The following STIM1 variants were observed in gnomAD, a reference collection of about 807,000 sequenced individuals.
The protein encoded by STIM1 is stromal interaction molecule 1.
A neutral mutation model predicts 74.7 loss-of-function variants in STIM1; 25 were observed. That is an observed-to-expected ratio of 0.33 (90% CI 0.24 to 0.47). The LOEUF (loss-of-function observed/expected upper bound fraction) is 0.47, where lower values mean the gene tolerates loss of function less well. Among genes scored for constraint, STIM1 ranks in the 20% least tolerant of loss-of-function variants. The pLI is 1.00. For synonymous variants in STIM1, 328 were observed against 348.8 expected (o/e 0.94, Z 0.66); for missense variants, 728 against 920.8 (o/e 0.79, Z 2.71).
chr11:3,935,779 G>A (rs2092924585), intron 1 of STIM1, among the ~76,000 whole-genome samples: 1 of 152,162 alleles, frequency 6.6e-6, no homozygotes. Context: ...ACCACACCTG[G>A]GCTAACTGAG....
intron 1 of STIM1, among the ~76,000 whole-genome samples, chr11:3,863,258 GTGTGTGTGTA>G (rs1420227872): frequency 8.1e-4 from 53 of 65,804 alleles, no homozygotes; most frequent in African/African-American, 3.7e-3. Flanking sequence ...GTGTGTGTGT[GTGTGTGTGTA>G]TGTATTTGAG....
intron 1 of STIM1, chr11:3,947,608 GA>G (rs2093094453): frequency 6.6e-6 from 1 of 152,188 alleles, no homozygotes; most frequent in Non-Finnish European, 1.5e-5. Flanking sequence ...GACAAAATAA[GA>G]GGAAGAAAGG....
At chr11:3,990,799 T>C (rs1183299944) in intron 2 of STIM1, among the ~76,000 whole-genome samples, 2 of 152,226 alleles carry the variant, frequency 1.3e-5, no homozygotes, top group Admixed American at 6.5e-5. Context: ...TTATTTTTTA[T>C]TATTTAAAAA....
intron 1 of STIM1, among the ~76,000 whole-genome samples, chr11:3,904,665 A>C (rs1354766413): frequency 6.6e-6 from 1 of 152,152 alleles, no homozygotes; most frequent in Non-Finnish European, 1.5e-5. Context: ...GGCTGGAACA[A>C]GGGTAGTGGT....
intron 2 of STIM1, among the ~76,000 whole-genome samples, chr11:4,009,159 G>A (rs2093810973): frequency 6.6e-6 from 1 of 151,882 alleles, no homozygotes; most frequent in African/African-American, 2.4e-5. Context: ...GCCGGGTGTG[G>A]TGGCAGGCCC....
chr11:4,056,832 C>G (rs2094293611), intron 4 of STIM1, among the ~76,000 whole-genome samples: 1 of 152,218 alleles, frequency 6.6e-6, no homozygotes, highest in South Asian at 2.1e-4. Context: ...AGTATCCCAA[C>G]CTTTGGGTGA....
intron 1 of STIM1, among the ~76,000 whole-genome samples, chr11:3,930,189 A>G (rs552660063): frequency 3.9e-5 from 6 of 152,126 alleles, no homozygotes; most frequent in Non-Finnish European, 8.8e-5. Flanking sequence ...GACCTTCACT[A>G]TATGTAAGGC....
chr11:3,900,609 A>G (rs376781313), intron 1 of STIM1, among the ~76,000 whole-genome samples: 43 of 152,290 alleles, frequency 2.8e-4, no homozygotes, highest in African/African-American at 1.0e-3. Context: ...TTTGAGACAG[A>G]GTCTTTCCCT....
At chr11:4,037,330 C>G (rs974799169) in intron 3 of STIM1, among the ~76,000 whole-genome samples, 1 of 152,126 alleles carries the variant, frequency 6.6e-6, no homozygotes, top group African/African-American at 2.4e-5. Context: ...GAATTACAGG[C>G]GTGAGCCACT....
At chr11:3,932,032 G>C (rs1437386356) in intron 1 of STIM1, among the ~76,000 whole-genome samples, 1 of 152,128 alleles carries the variant, frequency 6.6e-6, no homozygotes, top group Non-Finnish European at 1.5e-5. Context: ...TGCCCGGCCT[G>C]TTGCTCCTGG....
Position 3,856,242 on chromosome 11 carries a change from C to T in STIM1, c.-29C>T, listed in dbSNP as rs375530599. ...CTCTGGGATCCCGAGGTGTCCACAT[C>T]AGACGCATGTTGACTGAGACCTAGA... On this transcript the variant is annotated 5_prime_UTR_variant, in exon 1 of 13. Coordinates refer to ENST00000526596, the MANE Select transcript of STIM1 (RefSeq NM_001382567.1). 9.3e-6 allele frequency: 15 copies of T among 1,613,696 alleles called. No homozygotes were observed. The highest frequency in any genetic ancestry group is 1.3e-5 in the African/African-American group (1 of 74,946).
chr11:4,091,327 C>T lies in STIM1; in HGVS notation c.1680C>T (p.Asp560=), dbSNP rs2094523466. ...CGGAGTCCTCCCTCCACATGAGTGA[C>T]CGCCAGCGTGTGGCCCCCAAACCTC... ...SDSESSLHMS[D]RQRVAPKPPQ... is the part of the protein sequence containing the mutation. The change falls in exon 13 of 13, where the codon GAC becomes GAT. Residue 560 remains aspartate (D), a synonymous_variant. Transcript: ENST00000526596. 2 of 1,614,228 alleles carry T rather than the reference C, an allele frequency of 1.2e-6. No homozygotes were observed. Among genetic ancestry groups the T allele is most frequent in the Non-Finnish European group, 1.7e-6 (2 of 1,180,046 alleles).
intron 1 of STIM1, among the ~76,000 whole-genome samples, chr11:3,904,536 G>A (rs1201068490): frequency 6.6e-6 from 1 of 152,102 alleles, no homozygotes; most frequent in Non-Finnish European, 1.5e-5. Context: ...TTTAAGATGG[G>A]TGTGACATGA....
Position 4,083,125 on chromosome 11 carries a change from T to C in STIM1, c.1239-138T>C, listed in dbSNP as rs894455. The C allele has an allele frequency of 0.9, 1,048,479 of 1,170,850 alleles. 474,183 individuals are homozygous for C. The highest frequency in any genetic ancestry group is 0.96 in the East Asian group (39,272 of 40,870). 72.5% of individuals were successfully genotyped at this position (1,170,850 alleles called of 1,614,324 possible). On this transcript the variant is annotated intron_variant, in intron 9 of 12. Coordinates refer to ENST00000526596, the MANE Select transcript of STIM1 (RefSeq NM_001382567.1). Reference sequence around the variant, plus strand: ...CCTGCCTCAGCCTTTATTTATCTCCTGCCTTGCTCTTAAGTTTGAGTTTAT... The same window carrying C: ...CCTGCCTCAGCCTTTATTTATCTCCCGCCTTGCTCTTAAGTTTGAGTTTAT...
At chr11:4,048,248 G>A (rs960472699) in intron 3 of STIM1, among the ~76,000 whole-genome samples, 1 of 152,204 alleles carries the variant, frequency 6.6e-6, no homozygotes, top group African/African-American at 2.4e-5. Flanking sequence ...CAAACTTGAA[G>A]AATGTACAAA....
chr11:4,045,130 C>T (rs957114288), intron 3 of STIM1, among the ~76,000 whole-genome samples: 2 of 152,060 alleles, frequency 1.3e-5, no homozygotes, highest in Admixed American at 1.3e-4. Flanking sequence ...GGCATCCTCC[C>T]AGTAGACAAA....
intron 3 of STIM1, among the ~76,000 whole-genome samples, chr11:4,048,365 CTG>C (rs1454950267): frequency 6.6e-6 from 1 of 152,138 alleles, no homozygotes; most frequent in African/African-American, 2.4e-5. Flanking sequence ...GTTTAAGTCA[CTG>C]TGTAAAATTT....
intron 1 of STIM1, among the ~76,000 whole-genome samples, chr11:3,877,391 A>G (rs1279209693): frequency 1.3e-5 from 2 of 152,060 alleles, no homozygotes; most frequent in East Asian, 3.9e-4. Flanking sequence ...GGTCACATTT[A>G]CACTGTAGGT....
chr11:4,058,903 T>G, intron 4 of STIM1: 1 of 1,091,054 alleles, frequency 9.2e-7, no homozygotes, highest in Non-Finnish European at 1.1e-6. Context: ...GACATGACAG[T>G]TTGACCTGGG....
Sources: allele counts gnomAD v4.1 joint callset (sites outside exome capture counted in the v4.1 genomes callset), GRCh38; gene constraint gnomAD v4.1.1; transcripts MANE v1.5; gene names NCBI Gene and HGNC (gene_info 2026-07-23, HGNC 2026-07-21).